Variants in TMEM44 observed in about 807,000 individuals in gnomAD.
TMEM44 encodes the protein transmembrane protein 44.
Under a neutral mutation model 47.8 loss-of-function variants are expected in TMEM44, and 43 were observed. That is an observed-to-expected ratio of 0.90 (90% CI 0.70 to 1.16). The LOEUF (loss-of-function observed/expected upper bound fraction) is 1.16, where lower values mean the gene tolerates loss of function less well. TMEM44 is among the 50% of genes most tolerant of loss of function. TMEM44 has a pLI of 0.00. For synonymous variants in TMEM44, 277 were observed against 238.8 expected, an observed-to-expected ratio of 1.16 and a Z score of -1.48; for missense variants, 568 against 555.2, an observed-to-expected ratio of 1.02 and a Z score of -0.23.
chr3:194,601,199 A>C (rs1312435858), intron 9 of TMEM44, among the ~76,000 whole-genome samples: 1 of 151,478 alleles, frequency 6.6e-6, no homozygotes, highest in Non-Finnish European at 1.5e-5. Flanking sequence ...CCTGGAGTGA[A>C]GTGGCGTGAT....
chr3:194,595,602 C>T (rs1337059270), intron 9 of TMEM44, among the ~76,000 whole-genome samples: 1 of 147,136 alleles, frequency 6.8e-6, no homozygotes, highest in African/African-American at 2.5e-5. Context: ...GCCAGACATA[C>T]ACCAGCTTCA....
intron 2 of TMEM44, among the ~76,000 whole-genome samples, chr3:194,626,241 C>T (rs1390447356): frequency 2.0e-5 from 3 of 152,208 alleles, no homozygotes; most frequent in Non-Finnish European, 2.9e-5. Context: ...GGGATAAGAG[C>T]CCAGCCCTCC....
intron 8 of TMEM44, among the ~76,000 whole-genome samples, chr3:194,609,994 C>T (rs907585602): frequency 1.3e-5 from 2 of 151,994 alleles, no homozygotes; most frequent in Admixed American, 6.6e-5. Context: ...TTTGGGAGGC[C>T]GAGGCCAGCA....
At chr3:194,623,798 A>C in intron 3 of TMEM44, 103 bp from the exon 4 acceptor site, 13 of 1,464,494 alleles carry the variant, frequency 8.9e-6, no homozygotes, top group South Asian at 1.3e-5. Context: ...CATGATGCTG[A>C]AGCGGGTTCC....
chr3:194,594,137 A>ATCTGTCTGTCTGTCTG (rs1157567717), intron 9 of TMEM44, among the ~76,000 whole-genome samples: 16 of 145,726 alleles, frequency 1.1e-4, no homozygotes, highest in African/African-American at 4.0e-4. Flanking sequence ...CTATCTATCT[A>ATCTGTCTGTCTGTCTG]TCTATCTATC....
chr3:194,623,210 A>T lies in TMEM44; in HGVS notation c.612+14T>A. On this transcript the variant is annotated intron_variant, in intron 5 of 9. Coordinates refer to ENST00000347147, the MANE Select transcript of TMEM44 (RefSeq NM_001011655.3). The stretch of plus-strand genomic sequence containing the variant: ...TCATGTGACCCACAGTCCCATCCCC[A>T]CCCCCGGCCTCACAATTCTGGAGAG... 6.3e-7 allele frequency: 1 copy of T among 1,594,498 alleles called. No individual in the cohort carries two copies. Among genetic ancestry groups the T allele is most frequent in the Non-Finnish European group, 8.5e-7 (1 of 1,170,488 alleles).
At chr3:194,607,962 A>G (rs1243524089) in intron 8 of TMEM44, among the ~76,000 whole-genome samples, 1 of 152,038 alleles carries the variant, frequency 6.6e-6, no homozygotes, top group Non-Finnish European at 1.5e-5. Context: ...GGTGGAACAC[A>G]CTCTTCTTTC....
At position 194,588,784 on chromosome 3, in the gene TMEM44, C is replaced by T. The variant is rs975410494; in HGVS notation, c.1177-145G>A. The T allele has an allele frequency of 4.0e-6, 3 of 747,648 alleles. No homozygotes were observed. In the East Asian group the frequency reaches 7.7e-5, roughly 19 times the overall value. 46.3% of individuals were successfully genotyped at this position (747,648 alleles called of 1,614,324 possible). ...GACAAAAGGGTAAGGACAAGTTACC[C>T]AGGCCTGTGTTTCTGGGACCTAAGG... On this transcript the variant is annotated intron_variant, in intron 9 of 9. Coordinates refer to ENST00000347147, the MANE Select transcript of TMEM44 (RefSeq NM_001011655.3).
chr3:194,632,766 AGCTT>A (rs1717952051), intron 1 of TMEM44, among the ~76,000 whole-genome samples: 1 of 152,122 alleles, frequency 6.6e-6, no homozygotes. Context: ...GAGGTTCTGG[AGCTT>A]GCCCAGGTCA....
Position 194,606,844 on chromosome 3 carries a change from G to T in TMEM44, c.1018-2399C>A, listed in dbSNP as rs1388052460. Among the ~76,000 whole-genome samples, 2 of 150,490 alleles carry T rather than the reference G, an allele frequency of 1.3e-5. 1 individual carries two copies. Among genetic ancestry groups the T allele is most frequent in the Non-Finnish European group, 2.9e-5 (2 of 67,866 alleles). ...GCCCATAGTCTCAGTTATTTGGGAGGCTGAGGCATGAGAATCGAGAATCTC... is the reference window on the plus strand; with the variant it reads ...GCCCATAGTCTCAGTTATTTGGGAGTCTGAGGCATGAGAATCGAGAATCTC... On this transcript the variant is annotated intron_variant, in intron 8 of 9. Transcript: ENST00000347147.
chr3:194,626,046 C>A, intron 2 of TMEM44, 56 bp from the exon 3 acceptor site: 2 of 1,373,558 alleles, frequency 1.5e-6, no homozygotes, highest in Non-Finnish European at 1.0e-6. Flanking sequence ...TCAGCCCCTA[C>A]AGAGTTTGTC....
chr3:194,609,719 A>T (rs1480156788), intron 8 of TMEM44, among the ~76,000 whole-genome samples: 1 of 151,634 alleles, frequency 6.6e-6, no homozygotes, highest in Non-Finnish European at 1.5e-5. Context: ...TCCACTTCCC[A>T]ACTCGCTCAA....
intron 8 of TMEM44, among the ~76,000 whole-genome samples, 153 bp from the exon 9 acceptor site, chr3:194,604,598 C>T (rs1714570493): frequency 6.6e-6 from 1 of 152,228 alleles, no homozygotes; most frequent in Non-Finnish European, 1.5e-5. Flanking sequence ...CCATCCAGCT[C>T]TCCCCAGGGC....
rs2108597955 is a variant in TMEM44, at chr3:194,623,559, T to C, written c.495A>G (p.Pro165=). Residue 165 remains proline, a synonymous_variant, in exon 4 of 10, where the codon CCA becomes CCG. Transcript: ENST00000347147. ...VPKASATIRG[P]QRRLLASLLQ... ...GCAGGCTCGCTAGCAGCCTCCGCTGTGGCCCCCGGATGGTGGCTGAAGCCT... is the reference window on the plus strand; with the variant it reads ...GCAGGCTCGCTAGCAGCCTCCGCTGCGGCCCCCGGATGGTGGCTGAAGCCT... 6.2e-7 allele frequency: 1 copy of C among 1,606,656 alleles called. No homozygotes were observed. Among genetic ancestry groups the C allele is most frequent in the Non-Finnish European group, 8.5e-7 (1 of 1,177,262 alleles).
intron 5 of TMEM44, among the ~76,000 whole-genome samples, chr3:194,621,223 C>T (rs1716502056): frequency 6.6e-6 from 1 of 152,100 alleles, no homozygotes; most frequent in Admixed American, 6.5e-5. Context: ...CCAGGGTTAC[C>T]ACAAGCCAAG....
At chr3:194,599,407 C>T (rs115579709) in intron 9 of TMEM44, among the ~76,000 whole-genome samples, 6,622 of 152,182 alleles carry the variant, frequency 0.044, 210 homozygotes, top group African/African-American at 0.084. Flanking sequence ...CACCTTCGGC[C>T]GCAGACGAAC....
intron 3 of TMEM44, among the ~76,000 whole-genome samples, chr3:194,625,514 C>T (rs1439644454): frequency 6.6e-6 from 1 of 151,582 alleles, no homozygotes; most frequent in African/African-American, 2.4e-5. Context: ...CGGACTCTTG[C>T]TCTGTCGCCA....
intron 3 of TMEM44, 87 bp downstream of exon 3, chr3:194,625,810 C>T (rs765938225): frequency 1.7e-5 from 21 of 1,239,068 alleles, no homozygotes; most frequent in Middle Eastern, 1.9e-4. Flanking sequence ...GGCTGGGGCC[C>T]GCTCTGGGAG....
chr3:194,593,598 A>G (rs561223069), intron 9 of TMEM44, among the ~76,000 whole-genome samples: 2 of 152,302 alleles, frequency 1.3e-5, no homozygotes, highest in East Asian at 3.9e-4. Context: ...GGCAGGCATC[A>G]CGTCTGCCCT....
Sources: gnomAD v4.1 joint callset for allele counts (sites outside exome capture counted in the v4.1 genomes callset) on GRCh38, gnomAD v4.1.1 for gene constraint, MANE v1.5 for transcripts, NCBI Gene and HGNC (gene_info 2026-07-23, HGNC 2026-07-21) for gene names.